DBT: variants seen among roughly 807,000 people sequenced by gnomAD.
DBT encodes dihydrolipoamide branched chain transacylase E2, also known as lipoamide acyltransferase component of branched-chain alpha-keto acid dehydrogenase complex, mitochondrial.
Under a neutral mutation model 51.3 loss-of-function variants are expected in DBT, and 40 were observed. That is an observed-to-expected ratio of 0.78 (90% confidence interval 0.61 to 1.02). DBT has a LOEUF of 1.02. DBT is among the 50% of genes least tolerant of loss of function. The probability of loss-of-function intolerance (pLI) is 0.00; values close to 1 mark genes in which losing one functional copy is unlikely to be tolerated. For synonymous variants in DBT, 181 were observed against 190.4 expected (o/e 0.95, Z 0.41); for missense variants, 510 against 580.2 (o/e 0.88, Z 1.24).
At chr1:100,219,970 C>A (rs949335732) in intron 4 of DBT, among the ~76,000 whole-genome samples, 1 of 151,450 alleles carries the variant, frequency 6.6e-6, no homozygotes, top group Non-Finnish European at 1.5e-5. Context: ...CATAGGGAGA[C>A]CCTCTCTCTA....
chr1:100,206,586 G>A lies in DBT; in HGVS notation c.1068C>T (p.Val356=), dbSNP rs776489419. ...AGATCTGAACATTTTTCACATTAGG[G>A]ACAATCAAACCCTGCTCAGTATCCA... The part of the protein sequence containing the change: ...IAMDTEQGLI[V]PNVKNVQICS... Residue 356 remains valine (V), a synonymous_variant, in exon 9 of 11, where the codon GTC becomes GTT. Transcript: ENST00000370132. 1 of 1,612,466 alleles carries A rather than the reference G, an allele frequency of 6.2e-7. No individual in the cohort carries two copies. Among genetic ancestry groups the A allele is most frequent in the East Asian group, 2.2e-5 (1 of 44,864 alleles).
intron 2 of DBT, among the ~76,000 whole-genome samples, chr1:100,237,954 T>C (rs867899985): frequency 3.0e-4 from 46 of 152,306 alleles, no homozygotes; most frequent in African/African-American, 1.1e-3. Flanking sequence ...AAGTATGTGA[T>C]TTATATATTT....
intron 4 of DBT, among the ~76,000 whole-genome samples, chr1:100,229,929 A>G (rs531203617): frequency 1.1e-4 from 16 of 152,232 alleles, no homozygotes; most frequent in Non-Finnish European, 1.9e-4. Flanking sequence ...TGTAAGTCCC[A>G]TGGTTGCTGC....
Position 100,194,849 on chromosome 1 carries a change from T to A in DBT, c.*1406A>T, listed in dbSNP as rs1348261308. ...ACCAAGTAGATATTAAAACAACCTT[T>A]TTTCTGTCACAAAACTTCACTTAAA... On this transcript the variant is annotated 3_prime_UTR_variant, in exon 11 of 11. Coordinates refer to ENST00000370132, the MANE Select transcript of DBT (RefSeq NM_001918.5). 1 of 152,196 alleles carries A rather than the reference T, an allele frequency of 6.6e-6. No individual in the cohort carries two copies. The highest frequency in any genetic ancestry group is 2.4e-5 in the African/African-American group (1 of 41,442). 9.4% of individuals were successfully genotyped at this position (152,196 alleles called of 1,614,324 possible). A position where few individuals can be genotyped will look rare whatever the true frequency, so the allele number is the denominator to read the frequency against.
intron 10 of DBT, among the ~76,000 whole-genome samples, chr1:100,199,994 C>T (rs1209766467): frequency 6.6e-6 from 1 of 152,044 alleles, no homozygotes; most frequent in Non-Finnish European, 1.5e-5. Flanking sequence ...ACCAAGCTAG[C>T]TGCAGTTTTG....
intron 7 of DBT, chr1:100,213,661 C>A (rs1300849435): frequency 6.2e-7 from 1 of 1,610,768 alleles, no homozygotes; most frequent in African/African-American, 1.3e-5. Flanking sequence ...GTGGAGCCAC[C>A]TTCGCTTAAA....
chr1:100,201,118 C>T (rs1661407997), intron 10 of DBT, among the ~76,000 whole-genome samples: 2 of 152,042 alleles, frequency 1.3e-5, no homozygotes, highest in Admixed American at 1.3e-4. Context: ...GCTAAAGGAG[C>T]ATGTTCTAAC....
intron 3 of DBT, among the ~76,000 whole-genome samples, chr1:100,234,937 C>T (rs377313464): frequency 2.6e-5 from 4 of 152,066 alleles, no homozygotes; most frequent in Non-Finnish European, 2.9e-5. Flanking sequence ...AAACTGAGTT[C>T]GGTACCCAGA....
At chr1:100,199,718 G>A (rs1661324765) in intron 10 of DBT, among the ~76,000 whole-genome samples, 1 of 152,124 alleles carries the variant, frequency 6.6e-6, no homozygotes, top group African/African-American at 2.4e-5. Context: ...ATTGGGACTG[G>A]TTAGACAGTG....
rs368671484 is a variant in DBT at position 100,212,578 on chromosome 1, A to C, written c.940-1807T>G. ...AAAGAAAGAAAAAGGGAGATAAAGA[A>C]GAATAGTTTCTGCCTCATGAGGCTC... On this transcript the variant is annotated intron_variant, in intron 7 of 10. Transcript: ENST00000370132. 2.6e-5 allele frequency among the ~76,000 whole-genome samples: 4 copies of C among 152,320 alleles called. No individual in the cohort carries two copies. In the South Asian group the frequency reaches 8.3e-4, roughly 32 times the overall value.
chr1:100,234,987 G>A (rs1271263179), intron 3 of DBT, among the ~76,000 whole-genome samples: 1 of 152,100 alleles, frequency 6.6e-6, no homozygotes, highest in African/African-American at 2.4e-5. Context: ...AAAAAAATGG[G>A]GTAGAGGATG....
chr1:100,205,033 G>C (rs1002484185), intron 10 of DBT, among the ~76,000 whole-genome samples: 1 of 152,126 alleles, frequency 6.6e-6, no homozygotes, highest in Non-Finnish European at 1.5e-5. Flanking sequence ...TACCATTTAG[G>C]ACATAGGCAT....
At chr1:100,218,473 A>G (rs1311593815) in intron 5 of DBT, among the ~76,000 whole-genome samples, 153 bp downstream of exon 5, 1 of 152,182 alleles carries the variant, frequency 6.6e-6, no homozygotes, top group Non-Finnish European at 1.5e-5. Context: ...TCTCCCATGT[A>G]TTTTTATGCA....
In DBT at chr1:100,235,520, AC is replaced by A. The variant is rs745672858; in HGVS notation, c.176-10del. On this transcript the variant is annotated splice_polypyrimidine_tract_variant and intron_variant, in intron 2 of 10. Coordinates refer to ENST00000370132, the MANE Select transcript of DBT (RefSeq NM_001918.5). ...AACCTGTCCACGGAGAGCTTCAAAGACAAATGAGAAATGATCTCATTAAGTA... is the reference window on the plus strand; with the variant it reads ...AACCTGTCCACGGAGAGCTTCAAAGAAAATGAGAAATGATCTCATTAAGTA... The A allele has an allele frequency of 9.3e-6, 14 of 1,511,648 alleles. No individual in the cohort carries two copies. Among genetic ancestry groups the A allele is most frequent in the Admixed American group, 6.7e-5 (4 of 59,780 alleles). 93.6% of individuals were successfully genotyped at this position (1,511,648 alleles called of 1,614,324 possible).
chr1:100,235,215 CTAAA>C (rs1269454068), intron 3 of DBT, among the ~76,000 whole-genome samples: 1 of 152,114 alleles, frequency 6.6e-6, no homozygotes, highest in Non-Finnish European at 1.5e-5. Flanking sequence ...TTAAATCACA[CTAAA>C]TAAAGTACCT....
At chr1:100,239,851 C>CAAAAAAAAAAAAA (rs56661922) in intron 2 of DBT, among the ~76,000 whole-genome samples, 10 of 111,162 alleles carry the variant, frequency 9.0e-5, no homozygotes, top group Non-Finnish European at 1.3e-4. Flanking sequence ...CAACAGAGCT[C>CAAAAAAAAAAAAA]AAAAAAAAAA....
In DBT at chr1:100,214,931, A is replaced by G; in HGVS notation, c.825T>C (p.His275=). 6.2e-7 allele frequency: 1 copy of G among 1,612,990 alleles called. No homozygotes were observed. Among genetic ancestry groups the G allele is most frequent in the Non-Finnish European group, 8.5e-7 (1 of 1,178,944 alleles). ...GGTCAATCTCATCACAATAACCAAAATGAGGTATCTTCAGGGCTGCAGACA... is the reference window on the plus strand; with the variant it reads ...GGTCAATCTCATCACAATAACCAAAGTGAGGTATCTTCAGGGCTGCAGACA... ...KTMSAALKIP[H]FGYCDEIDLT... Residue 275 remains histidine, a synonymous_variant, in exon 7 of 11, where the codon CAT becomes CAC. Transcript: ENST00000370132.
chr1:100,229,733 G>A (rs1487185663), intron 4 of DBT, among the ~76,000 whole-genome samples: 2 of 152,170 alleles, frequency 1.3e-5, no homozygotes, highest in African/African-American at 4.8e-5. Context: ...AGAACCTATT[G>A]CTCTTGCAGC....
intron 10 of DBT, 47 bp downstream of exon 10, chr1:100,206,183 C>A: frequency 1.6e-6 from 2 of 1,283,654 alleles, no homozygotes; most frequent in South Asian, 1.2e-5. Context: ...TGTGTTTAGT[C>A]CCTGAATTTG....
Sources: allele counts gnomAD v4.1 joint callset (sites outside exome capture counted in the v4.1 genomes callset), GRCh38; gene constraint gnomAD v4.1.1; transcripts MANE v1.5; gene names NCBI Gene and HGNC (gene_info 2026-07-23, HGNC 2026-07-21).